Variants in FANCI observed in about 807,000 individuals in gnomAD.
FANCI encodes FA complementation group I.
FANCI carries 156 observed loss-of-function variants against 176.1 expected under a neutral mutation model. The ratio of observed to expected loss-of-function variants is 0.89; its 90% CI spans 0.78 to 1.01. The LOEUF (loss-of-function observed/expected upper bound fraction) is 1.01. FANCI is among the 50% of genes least tolerant of loss of function. The probability of loss-of-function intolerance (pLI) is 0.00; values close to 1 mark genes in which losing one functional copy is unlikely to be tolerated. For missense variants in FANCI, 1,678 were observed against 1,534.1 expected (o/e 1.09, Z -1.57); for synonymous variants, 613 against 541.7 (o/e 1.13, Z -1.83).
chr15:89,281,983 G>T, intron 16 of FANCI, 148 bp downstream of exon 16: 1 of 738,796 alleles, frequency 1.4e-6, no homozygotes, highest in Non-Finnish European at 2.4e-6. Context: ...AAGGCATTTT[G>T]CTAAGTGCTT....
intron 10 of FANCI, among the ~76,000 whole-genome samples, chr15:89,270,681 T>A (rs2053167384): frequency 6.6e-6 from 1 of 152,204 alleles, no homozygotes; most frequent in African/African-American, 2.4e-5. Flanking sequence ...ATGAACCTTT[T>A]TAAATTCAAT....
Position 89,301,425 on chromosome 15 carries a change from G to A in FANCI, c.2989G>A (p.Glu997Lys). The change falls in exon 27 of 38, where the codon GAG (glutamate) becomes AAG (lysine). Residue 997 changes from glutamate (E) to lysine (K), a missense_variant. This residue lies in a region of FANCI where 1,204 missense variants were observed against 1,077.4 expected (regional missense o/e 1.12). Coordinates refer to ENST00000310775, the MANE Select transcript of FANCI (RefSeq NM_001113378.2). ...TVLTSLSKLL[E>K]PSSPQFVQML... ...TCTTACCAGTTTGTCCAAGTTACTG[G>A]AGCCCTCCTCTCCTCAGGTACTAGT... The A allele has an allele frequency of 6.2e-7, 1 of 1,613,462 alleles. No homozygotes were observed. The highest frequency in any genetic ancestry group is 8.5e-7 in the Non-Finnish European group (1 of 1,179,416).
intron 2 of FANCI, among the ~76,000 whole-genome samples, chr15:89,255,932 A>G (rs1412106741): frequency 1.3e-5 from 2 of 152,184 alleles, no homozygotes; most frequent in African/African-American, 4.8e-5. Context: ...CTCTGTGCAA[A>G]TTCTTCTCCC....
At chr15:89,309,558 C>T (rs556501559) in intron 34 of FANCI, among the ~76,000 whole-genome samples, 14 of 152,118 alleles carry the variant, frequency 9.2e-5, no homozygotes, top group Admixed American at 2.0e-4. Flanking sequence ...AGTGAGACCC[C>T]GTCTCTACAA....
chr15:89,285,288 C>T lies in FANCI; in HGVS notation c.1821+70C>T, dbSNP rs1008567835. 46 of 1,579,922 alleles carry T rather than the reference C, an allele frequency of 2.9e-5. 1 individual carries two copies. The highest frequency in any genetic ancestry group is 3.5e-4 in the Middle Eastern group (2 of 5,766). On this transcript the variant is annotated intron_variant, in intron 18 of 37. Coordinates refer to ENST00000310775, the MANE Select transcript of FANCI (RefSeq NM_001113378.2). ...AATTTTTATTTTAGTAATTTTTTTC[C>T]TGATTATAAAAGTACAATAGCTATG...
At chr15:89,265,423 T>C (rs754005896) in intron 9 of FANCI, among the ~76,000 whole-genome samples, 2 of 152,030 alleles carry the variant, frequency 1.3e-5, no homozygotes, top group Admixed American at 6.6e-5. Flanking sequence ...GCCAGGCTGG[T>C]CTCAAACTCC....
chr15:89,305,636 T>C lies in FANCI; in HGVS notation c.3287T>C (p.Leu1096Pro), dbSNP rs2054690028. 6.2e-7 allele frequency: 1 copy of C among 1,614,100 alleles called. No individual in the cohort carries two copies. Among genetic ancestry groups the C allele is most frequent in the African/African-American group, 1.3e-5 (1 of 74,928 alleles). Residue 1096 changes from leucine (L) to proline (P), a missense_variant, in exon 31 of 38, where the codon CTA becomes CCA. Leu to Pro is a moderately conservative substitution (Grantham distance 98). Coordinates refer to ENST00000310775, the MANE Select transcript of FANCI (RefSeq NM_001113378.2). ...GTTCTGAGTCAGGCCGAGAAGGTTC[T>C]AGAAGAAGTGGACTGGCTAATCACC... is the stretch of plus-strand genomic sequence containing the variant. The part of the protein sequence containing the change: ...LLVLSQAEKV[L>P]EEVDWLITKL...
At position 89,261,872 on chromosome 15, in the gene FANCI, C is replaced by G. The variant is rs745789593; in HGVS notation, c.497C>G (p.Ser166Cys). ...AAACAGTTGATTAACACCCTGTGTT[C>G]TGGCAGGTGAGTCTTGTTAATATGT... ...CKKQLINTLC[S>C]GRWDQQYVIQ... Residue 166 changes from serine to cysteine, a missense_variant, in exon 6 of 38, where the codon TCT becomes TGT. Ser to Cys is a moderately radical substitution (Grantham distance 112, BLOSUM62 -1). Around this residue, in one of 3 missense-constraint regions of FANCI, gnomAD observed 469 missense variants for 436.9 expected, o/e 1.07. Coordinates refer to ENST00000310775, the MANE Select transcript of FANCI (RefSeq NM_001113378.2). The G allele has an allele frequency of 3.7e-6, 6 of 1,613,798 alleles. No homozygotes were observed. Among genetic ancestry groups the G allele is most frequent in the African/African-American group, 1.3e-5 (1 of 74,902 alleles).
rs1168124000 is a variant in FANCI at position 89,264,673 on chromosome 15, C to G, written c.755+66C>G. ...TTCATCTTCTCATTGTGTATTTTAGCTATTTCATTTTCTTCTCTCTCACCG... is the reference window on the plus strand; with the variant it reads ...TTCATCTTCTCATTGTGTATTTTAGGTATTTCATTTTCTTCTCTCTCACCG... On this transcript the variant is annotated intron_variant, in intron 9 of 37. Transcript: ENST00000310775. The G allele has an allele frequency of 1.3e-5, 19 of 1,458,424 alleles. No homozygotes were observed. The East Asian group carries it at 2.6e-4, about 20-fold the overall frequency. The allele number at this position is 1,458,424 out of a possible 1,614,324, so 90.3% of individuals were successfully genotyped here.
chr15:89,305,061 C>T (rs2054665274), intron 28 of FANCI, 54 bp from the exon 29 acceptor site: 4 of 1,605,674 alleles, frequency 2.5e-6, no homozygotes, highest in Non-Finnish European at 3.4e-6. Context: ...CAGGCGTGAG[C>T]CACTGCACTT....
chr15:89,296,901 G>C (rs1221016249), intron 24 of FANCI, among the ~76,000 whole-genome samples: 1 of 148,528 alleles, frequency 6.7e-6, no homozygotes, highest in Non-Finnish European at 1.5e-5. Context: ...CGGACGGGGC[G>C]GCTGGCCGGG....
intron 12 of FANCI, among the ~76,000 whole-genome samples, chr15:89,274,905 G>A (rs546861643): frequency 1.5e-4 from 22 of 151,574 alleles, no homozygotes; most frequent in Non-Finnish European, 2.7e-4. Flanking sequence ...GGTCCTGGCC[G>A]TTTCTTTTCC....
chr15:89,313,900 TACACACACAC>T (rs34352725), intron 35 of FANCI, among the ~76,000 whole-genome samples: 8 of 142,726 alleles, frequency 5.6e-5, no homozygotes, highest in East Asian at 4.3e-4. Context: ...GGGTTAAAAA[TACACACACAC>T]ACACACACAC....
chr15:89,269,925 C>T (rs1373242040), intron 10 of FANCI, among the ~76,000 whole-genome samples: 1 of 152,076 alleles, frequency 6.6e-6, no homozygotes, highest in Non-Finnish European at 1.5e-5. Flanking sequence ...ATTCTCATGC[C>T]TCAGCCTCCC....
In FANCI at chr15:89,263,567, ATAT is replaced by A. The variant is rs1453540627; in HGVS notation, c.545+110_545+112del. The stretch of plus-strand genomic sequence containing the variant: ...ACATCACTCTCTCCTGATTGTAAGA[ATAT>A]TAGTAGTTATGTTTTCTGTTACAGA... On this transcript the variant is annotated intron_variant, in intron 7 of 37. Transcript: ENST00000310775. The A allele has an allele frequency of 7.6e-5, 76 of 1,001,570 alleles. No individual in the cohort carries two copies. The Admixed American group carries it at 8.5e-4, about 11-fold the overall frequency. 62.0% of individuals were successfully genotyped at this position (1,001,570 alleles called of 1,614,324 possible). A position where few individuals can be genotyped will look rare whatever the true frequency, so the allele number is the denominator to read the frequency against.
intron 1 of FANCI, among the ~76,000 whole-genome samples, chr15:89,246,763 CTTTTTT>C (rs35104299): frequency 5.3e-5 from 6 of 113,940 alleles, no homozygotes; most frequent in Non-Finnish European, 8.6e-5. Flanking sequence ...TTCTTCCTTT[CTTTTTT>C]TTTTTTTTTT....
At position 89,283,219 on chromosome 15, in the gene FANCI, C is replaced by G. The variant is rs1303816524; in HGVS notation, c.1667C>G (p.Ser556Cys). Reference sequence around the variant, plus strand: ...AAAGTTTTAGGCAGCCTGTCATCCTCTCAGTGCAGTCAGTCTCTCAGTGTC... The same window carrying G: ...AAAGTTTTAGGCAGCCTGTCATCCTGTCAGTGCAGTCAGTCTCTCAGTGTC... ...NFKVLGSLSS[S>C]QCSQSLSVSQ... The change falls in exon 17 of 38, where the codon TCT becomes TGT. Residue 556 changes from serine to cysteine, a missense_variant. By Grantham distance (112) the Ser-to-Cys change is moderately radical. This residue lies in a region of FANCI where 1,204 missense variants were observed against 1,077.4 expected (regional missense o/e 1.12). Coordinates refer to ENST00000310775, the MANE Select transcript of FANCI (RefSeq NM_001113378.2). 5.0e-6 allele frequency: 8 copies of G among 1,614,142 alleles called. No homozygotes were observed. Among genetic ancestry groups the G allele is most frequent in the South Asian group, 1.1e-5 (1 of 91,080 alleles).
intron 17 of FANCI, among the ~76,000 whole-genome samples, chr15:89,283,815 C>T (rs914533267): frequency 2.0e-5 from 3 of 150,878 alleles, no homozygotes; most frequent in African/African-American, 7.3e-5. Flanking sequence ...TGCAGTGGCG[C>T]GATCTCGGCT....
chr15:89,297,387 C>T (rs1169307714), intron 24 of FANCI, among the ~76,000 whole-genome samples: 1 of 152,080 alleles, frequency 6.6e-6, no homozygotes, highest in Non-Finnish European at 1.5e-5. Flanking sequence ...GCAATCTCGG[C>T]ACTTTGGGAG....
Sources: allele counts gnomAD v4.1 joint callset (sites outside exome capture counted in the v4.1 genomes callset), GRCh38; gene constraint gnomAD v4.1.1; regional missense constraint gnomAD v4.1.1; transcripts MANE v1.5; gene names NCBI Gene and HGNC (gene_info 2026-07-23, HGNC 2026-07-21).